The following MMD variants were observed in gnomAD, a reference collection of about 807,000 sequenced individuals.
MMD encodes the protein monocyte to macrophage differentiation factor.
A neutral mutation model predicts 33.6 loss-of-function variants in MMD; 22 were observed. The observed-to-expected ratio is 0.66, with a 90% confidence interval of 0.47 to 0.94. The LOEUF is 0.94. Among genes scored for constraint, MMD ranks in the 40% least tolerant of loss-of-function variants. The probability of loss-of-function intolerance (pLI) is 0.00; values close to 1 mark genes in which losing one functional copy is unlikely to be tolerated. For synonymous variants in MMD, 97 were observed against 103.2 expected (o/e 0.94, Z 0.36); for missense variants, 242 against 309.8 (o/e 0.78, Z 1.64).
intron 4 of MMD, among the ~76,000 whole-genome samples, chr17:55,405,575 TAAAGA>T (rs1417940439): frequency 6.6e-6 from 1 of 152,170 alleles, no homozygotes; most frequent in East Asian, 1.9e-4. Context: ...TATTTTAAAT[TAAAGA>T]ATTTAAAATA....
chr17:55,411,242 T>C lies in MMD; in HGVS notation c.269+15A>G, dbSNP rs1181805811. ...ACTATTTGGATCTGTTGAAACAGCA[T>C]GTCATCCACTGTACCTTAAGTGGCT... On this transcript the variant is annotated intron_variant, in intron 3 of 6. Coordinates refer to ENST00000262065, the MANE Select transcript of MMD (RefSeq NM_012329.3). 1.2e-6 allele frequency: 2 copies of C among 1,606,424 alleles called. No individual in the cohort carries two copies. The highest frequency in any genetic ancestry group is 2.2e-5 in the South Asian group (2 of 89,478).
chr17:55,413,512 A>G (rs1044580626), intron 2 of MMD, among the ~76,000 whole-genome samples: 2 of 152,064 alleles, frequency 1.3e-5, no homozygotes, highest in Non-Finnish European at 2.9e-5. Flanking sequence ...AATGCACCGA[A>G]GTGTTAACAG....
At chr17:55,418,646 A>G (rs1908062514) in intron 1 of MMD, among the ~76,000 whole-genome samples, 1 of 152,234 alleles carries the variant, frequency 6.6e-6, no homozygotes, top group African/African-American at 2.4e-5. Flanking sequence ...TGTTCAGGAA[A>G]AGTGTCTACT....
chr17:55,409,630 G>T (rs187174566), intron 3 of MMD, among the ~76,000 whole-genome samples: 2 of 152,030 alleles, frequency 1.3e-5, no homozygotes, highest in Non-Finnish European at 2.9e-5. Context: ...CTTAAATAAG[G>T]CTTTTTTGAT....
intron 6 of MMD, among the ~76,000 whole-genome samples, chr17:55,396,193 AT>A (rs951039766): frequency 1.4e-4 from 21 of 151,964 alleles, no homozygotes; most frequent in Non-Finnish European, 1.9e-4. Context: ...TCAAAACAGA[AT>A]TTTTTTTTCA....
intron 6 of MMD, among the ~76,000 whole-genome samples, chr17:55,395,607 C>T (rs1452065681): frequency 6.6e-6 from 1 of 152,192 alleles, no homozygotes; most frequent in Non-Finnish European, 1.5e-5. Flanking sequence ...GATCTAGGGC[C>T]AGCTGTGAGC....
intron 4 of MMD, among the ~76,000 whole-genome samples, chr17:55,407,296 C>T (rs1016139867): frequency 2.1e-5 from 3 of 141,316 alleles, no homozygotes; most frequent in African/African-American, 8.3e-5. Context: ...GAGACTCCAT[C>T]TCAAAATAAA....
At chr17:55,411,488 A>G in intron 2 of MMD, 71 bp from the exon 3 acceptor site, 1 of 1,458,148 alleles carries the variant, frequency 6.9e-7, no homozygotes, top group Non-Finnish European at 9.2e-7. Flanking sequence ...TACTAAAAAT[A>G]CAGAGCTTTA....
Position 55,414,199 on chromosome 17 carries a change from G to A in MMD, c.60C>T (p.Arg20=). ...FMNHRAPANG[R]YKPTCYEHAA... is the part of the protein sequence containing the mutation. ...CATGTTCATAGCAAGTTGGCTTGTA[G>A]CGGCCATTGGCTGGAGCTCGATGGT... The change falls in exon 2 of 7, where the codon CGC becomes CGT. Residue 20 remains arginine, a synonymous_variant. Coordinates refer to ENST00000262065, the MANE Select transcript of MMD (RefSeq NM_012329.3). 6.2e-7 allele frequency: 1 copy of A among 1,613,938 alleles called. No homozygotes were observed. The highest frequency in any genetic ancestry group is 8.5e-7 in the Non-Finnish European group (1 of 1,179,836).
chr17:55,412,627 TCA>T (rs934998739), intron 2 of MMD, among the ~76,000 whole-genome samples: 111 of 152,178 alleles, frequency 7.3e-4, no homozygotes, highest in South Asian at 4.1e-4. Context: ...CCTACATTTG[TCA>T]CCTTGCAACA....
At chr17:55,405,382 A>C (rs1907505585) in intron 4 of MMD, among the ~76,000 whole-genome samples, 1 of 76,994 alleles carries the variant, frequency 1.3e-5, no homozygotes, top group African/African-American at 3.0e-5. Flanking sequence ...TCTCAAAGAA[A>C]AAAAAAAAAA....
intron 5 of MMD, 146 bp downstream of exon 5, chr17:55,403,621 G>T: frequency 1.9e-6 from 1 of 531,460 alleles, no homozygotes; most frequent in Admixed American, 3.8e-5. Context: ...AATACCAAAT[G>T]GTTTTGAAGA....
chr17:55,417,450 C>T (rs754593966), intron 1 of MMD, among the ~76,000 whole-genome samples: 15 of 152,092 alleles, frequency 9.9e-5, no homozygotes, highest in South Asian at 2.1e-4. Context: ...CCTGCTTGAC[C>T]CAGTACAGAC....
intron 3 of MMD, among the ~76,000 whole-genome samples, chr17:55,408,661 T>A (rs1305286336): frequency 1.3e-5 from 2 of 152,180 alleles, no homozygotes; most frequent in Non-Finnish European, 2.9e-5. Flanking sequence ...ACACGTAACA[T>A]TGACCAAAGC....
At chr17:55,416,586 T>C (rs1907976047) in intron 1 of MMD, among the ~76,000 whole-genome samples, 1 of 152,136 alleles carries the variant, frequency 6.6e-6, no homozygotes, top group Admixed American at 6.6e-5. Flanking sequence ...TTTTCCCATT[T>C]CTCTCTAACC....
chr17:55,394,409 C>A lies in MMD; in HGVS notation c.642G>T (p.Thr214=). 1 of 1,503,214 alleles carries A rather than the reference C, an allele frequency of 6.7e-7. No individual in the cohort carries two copies. Among genetic ancestry groups the A allele is most frequent in the Non-Finnish European group, 8.8e-7 (1 of 1,131,398 alleles). 93.1% of individuals were successfully genotyped at this position (1,503,214 alleles called of 1,614,324 possible). The change falls in exon 7 of 7, where the codon ACG becomes ACT. Residue 214 remains threonine (T), a synonymous_variant. Transcript: ENST00000262065. Reference sequence around the variant, plus strand: ...TGGCGTAGTAATGCACTGCAGCTGCCGTGGCCACAAACAGGTGCCAGATGG... The same window carrying A: ...TGGCGTAGTAATGCACTGCAGCTGCAGTGGCCACAAACAGGTGCCAGATGG... The part of the protein sequence containing the change: ...AHAIWHLFVA[T]AAAVHYYAIW...
intron 1 of MMD, among the ~76,000 whole-genome samples, chr17:55,420,717 G>C (rs1598437485): frequency 6.6e-6 from 1 of 152,216 alleles, no homozygotes; most frequent in African/African-American, 2.4e-5. Context: ...ACATGCTGGT[G>C]GTGAAGGTCC....
chr17:55,407,299 AAAATAAATAAATAAAT>A (rs59882220), intron 4 of MMD, among the ~76,000 whole-genome samples: 21,673 of 142,532 alleles, frequency 0.15, 1,763 homozygotes, highest in East Asian at 0.2. Flanking sequence ...ACTCCATCTC[AAAATAAATAAATAAAT>A]AAATAAATAA....
At chr17:55,413,689 A>G (rs1907851144) in intron 2 of MMD, among the ~76,000 whole-genome samples, 1 of 152,204 alleles carries the variant, frequency 6.6e-6, no homozygotes, top group Non-Finnish European at 1.5e-5. Context: ...TCTGGGAAGC[A>G]ATGGCCACTG....
Sources: allele counts gnomAD v4.1 joint callset (sites outside exome capture counted in the v4.1 genomes callset), GRCh38; gene constraint gnomAD v4.1.1; transcripts MANE v1.5; gene names NCBI Gene and HGNC (gene_info 2026-07-23, HGNC 2026-07-21).